VEGFC: variants seen among roughly 807,000 people sequenced by gnomAD.
VEGFC encodes FLT4 ligand DHM.
A neutral mutation model predicts 46.1 loss-of-function variants in VEGFC; 12 were observed. The ratio of observed to expected loss-of-function variants is 0.26; its 90% CI spans 0.17 to 0.42. The LOEUF (loss-of-function observed/expected upper bound fraction) is 0.42, where lower values mean the gene tolerates loss of function less well. Ranked by LOEUF, VEGFC falls within the 10% of genes least tolerant of loss-of-function variation. The probability of loss-of-function intolerance (pLI) is 1.00; values close to 1 mark genes in which losing one functional copy is unlikely to be tolerated. For missense variants in VEGFC, 488 were observed against 529.4 expected (o/e 0.92, Z 0.77); for synonymous variants, 232 against 195.5 (o/e 1.19, Z -1.56).
chr4:176,773,161 A>C (rs192279891), intron 1 of VEGFC, among the ~76,000 whole-genome samples: 1 of 152,172 alleles, frequency 6.6e-6, no homozygotes, highest in African/African-American at 2.4e-5. Context: ...CTCTCTCACT[A>C]TTCTTTCTTC....
At chr4:176,704,844 G>A (rs537375295) in intron 4 of VEGFC, among the ~76,000 whole-genome samples, 1 of 152,252 alleles carries the variant, frequency 6.6e-6, no homozygotes, top group African/African-American at 2.4e-5. Context: ...CCTCTCTACT[G>A]TAGCCATGTC....
chr4:176,778,837 C>T (rs975140111), intron 1 of VEGFC, among the ~76,000 whole-genome samples: 1 of 152,050 alleles, frequency 6.6e-6, no homozygotes, highest in Admixed American at 6.6e-5. Context: ...TTCTTTCTGT[C>T]CTCATAAACT....
At chr4:176,686,432 T>C (rs569137786) in intron 6 of VEGFC, among the ~76,000 whole-genome samples, 1 of 152,174 alleles carries the variant, frequency 6.6e-6, no homozygotes, top group South Asian at 2.1e-4. Context: ...TAGAAGAAAT[T>C]TGGGAACTTT....
intron 1 of VEGFC, among the ~76,000 whole-genome samples, chr4:176,782,886 T>C (rs923097977): frequency 6.6e-6 from 1 of 152,222 alleles, no homozygotes; most frequent in Non-Finnish European, 1.5e-5. Flanking sequence ...ACTGGAATCC[T>C]AGGGAAGTGA....
At chr4:176,788,261 A>G (rs1436962767) in intron 1 of VEGFC, among the ~76,000 whole-genome samples, 2 of 152,238 alleles carry the variant, frequency 1.3e-5, no homozygotes, top group Non-Finnish European at 2.9e-5. Flanking sequence ...TCTTTAGTCA[A>G]ACGAACACCA....
At chr4:176,723,438 T>C (rs540551927) in intron 3 of VEGFC, among the ~76,000 whole-genome samples, 66 of 149,312 alleles carry the variant, frequency 4.4e-4, no homozygotes, top group Non-Finnish European at 8.8e-4. Flanking sequence ...GTTTGTGACA[T>C]AGGTAAACTT....
intron 1 of VEGFC, among the ~76,000 whole-genome samples, chr4:176,771,573 T>A (rs556183574): frequency 6.6e-6 from 1 of 152,320 alleles, no homozygotes; most frequent in South Asian, 2.1e-4. Context: ...ATGTTTTCCA[T>A]TTTTGTATTT....
chr4:176,733,344 A>G (rs1734998961), intron 1 of VEGFC, among the ~76,000 whole-genome samples: 2 of 152,004 alleles, frequency 1.3e-5, no homozygotes, highest in Admixed American at 1.3e-4. Flanking sequence ...AATAATGAAA[A>G]CTGAAAACAC....
At chr4:176,774,805 A>G (rs1579136809) in intron 1 of VEGFC, among the ~76,000 whole-genome samples, 1 of 40,772 alleles carries the variant, frequency 2.5e-5, no homozygotes, top group East Asian at 0.019. Context: ...AACTTAAAGT[A>G]TAATAATAAA....
At chr4:176,704,593 C>T (rs1734493723) in intron 4 of VEGFC, among the ~76,000 whole-genome samples, 1 of 152,042 alleles carries the variant, frequency 6.6e-6, no homozygotes, top group Non-Finnish European at 1.5e-5. Context: ...CTGTGGCCAC[C>T]ATCTTTATTA....
chr4:176,767,888 G>A (rs968885052), intron 1 of VEGFC, among the ~76,000 whole-genome samples: 6 of 152,144 alleles, frequency 3.9e-5, no homozygotes, highest in African/African-American at 1.4e-4. Flanking sequence ...TGATCCAAGT[G>A]GAAGACGATG....
In VEGFC at chr4:176,739,976, TATATA is replaced by T. The variant is rs1302081223; in HGVS notation, c.148-10235_148-10231del. Among the ~76,000 whole-genome samples the T allele has an allele frequency of 2.6e-4, 5 of 19,478 alleles. 1 individual carries two copies. The East Asian group carries it at 0.041, about 160-fold the overall frequency. 12.8% of individuals were successfully genotyped at this position (19,478 alleles called of 152,430 possible). On this transcript the variant is annotated intron_variant, in intron 1 of 6. Coordinates refer to ENST00000618562, the MANE Select transcript of VEGFC (RefSeq NM_005429.5). Reference sequence around the variant, plus strand: ...AACTATATATTCGATATATCGAATATATATAACTATATATTCGATATATCGAATAT... The same window carrying T: ...AACTATATATTCGATATATCGAATATACTATATATTCGATATATCGAATAT...
chr4:176,730,928 T>C (rs1734952390), intron 1 of VEGFC, among the ~76,000 whole-genome samples: 1 of 152,066 alleles, frequency 6.6e-6, no homozygotes, highest in African/African-American at 2.4e-5. Flanking sequence ...CTCCTAAAAA[T>C]AAAAGTCAAT....
intron 1 of VEGFC, among the ~76,000 whole-genome samples, chr4:176,776,600 G>C (rs557576679): frequency 6.6e-6 from 1 of 152,328 alleles, no homozygotes. Context: ...GCCACCTACA[G>C]AAGAGTCGTA....
chr4:176,791,957 C>G (rs1025400439), intron 1 of VEGFC, among the ~76,000 whole-genome samples: 3 of 152,184 alleles, frequency 2.0e-5, no homozygotes, highest in African/African-American at 7.2e-5. Context: ...GCCCTTCACT[C>G]GTGTAACTTG....
Position 176,687,518 on chromosome 4 carries a change from A to G in VEGFC, c.814T>C (p.Ser272Pro), listed in dbSNP as rs1734066259. The G allele has an allele frequency of 6.3e-7, 1 of 1,583,422 alleles. No homozygotes were observed. The highest frequency in any genetic ancestry group is 8.6e-7 in the Non-Finnish European group (1 of 1,165,906). Reference protein sequence around the residue: ...FMFSSDAGDDSTDGFHDICGP... With the variant: ...FMFSSDAGDDPTDGFHDICGP... The stretch of plus-strand genomic sequence containing the variant: ...CAGATGTCATGGAATCCATCTGTTG[A>G]GTCTAGACAAATAGTCAGAGAATCT... Residue 272 changes from serine to proline, a missense_variant and splice_region_variant, in exon 6 of 7, where the codon TCA (serine) becomes CCA (proline). Coordinates refer to ENST00000618562, the MANE Select transcript of VEGFC (RefSeq NM_005429.5).
chr4:176,779,568 G>A (rs1735872015), intron 1 of VEGFC, among the ~76,000 whole-genome samples: 1 of 152,120 alleles, frequency 6.6e-6, no homozygotes, highest in Non-Finnish European at 1.5e-5. Flanking sequence ...GCACCCAGGG[G>A]CACATCATCA....
intron 4 of VEGFC, among the ~76,000 whole-genome samples, chr4:176,710,938 A>C (rs1734610140): frequency 6.6e-6 from 1 of 152,160 alleles, no homozygotes; most frequent in South Asian, 2.1e-4. Context: ...TTGAAATGAT[A>C]TTAACAGAAA....
chr4:176,692,587 C>G lies in VEGFC; in HGVS notation c.705-4660G>C, dbSNP rs1448765474. On this transcript the variant is annotated intron_variant, in intron 4 of 6. Transcript: ENST00000618562. Reference sequence around the variant, plus strand: ...CATTGCCCAGGCTTGATTAGGTAAACAAAGCAGCCGGGAAGCTCGAACTGG... The same window carrying G: ...CATTGCCCAGGCTTGATTAGGTAAAGAAAGCAGCCGGGAAGCTCGAACTGG... Among the ~76,000 whole-genome samples the G allele has an allele frequency of 2.2e-5, 3 of 135,696 alleles. 1 individual carries two copies. The highest frequency in any genetic ancestry group is 2.1e-4 in the Admixed American group (3 of 14,196). 89.0% of individuals were successfully genotyped at this position (135,696 alleles called of 152,430 possible).
Sources: gnomAD v4.1 joint callset for allele counts (sites outside exome capture counted in the v4.1 genomes callset) on GRCh38, gnomAD v4.1.1 for gene constraint, MANE v1.5 for transcripts, NCBI Gene and HGNC (gene_info 2026-07-23, HGNC 2026-07-21) for gene names.